SLC38A7: variants seen among roughly 807,000 people sequenced by gnomAD.
SLC38A7 encodes sodium-coupled neutral amino acid transporter 7.
Under a neutral mutation model 50.1 loss-of-function variants are expected in SLC38A7, and 29 were observed. That is an observed-to-expected ratio of 0.58 (90% confidence interval 0.43 to 0.79). The LOEUF (loss-of-function observed/expected upper bound fraction) is 0.79, where lower values mean the gene tolerates loss of function less well. Ranked by LOEUF, SLC38A7 falls within the 30% of genes least tolerant of loss-of-function variation. The pLI is 0.00. For missense variants in SLC38A7, 483 were observed against 610.6 expected (o/e 0.79, Z 2.20); for synonymous variants, 244 against 245.9 (o/e 0.99, Z 0.07).
chr16:58,674,584 T>C (rs2044227347), intron 8 of SLC38A7, among the ~76,000 whole-genome samples: 1 of 152,118 alleles, frequency 6.6e-6, no homozygotes, highest in African/African-American at 2.4e-5. Context: ...CTCATCGCTT[T>C]CTAATTTTTT....
chr16:58,672,063 A>C, intron 9 of SLC38A7, 33 bp downstream of exon 9: 2 of 1,537,922 alleles, frequency 1.3e-6, no homozygotes, highest in Non-Finnish European at 1.8e-6. Context: ...CACAGGGGCT[A>C]GGAGGGGCCC....
chr16:58,682,159 A>C (rs2044403733), intron 2 of SLC38A7, among the ~76,000 whole-genome samples: 1 of 152,108 alleles, frequency 6.6e-6, no homozygotes, highest in Non-Finnish European at 1.5e-5. Context: ...TCTATCTCAA[A>C]ACAAACAAAC....
intron 3 of SLC38A7, chr16:58,679,631 T>C (rs967107857): frequency 5.2e-6 from 3 of 573,578 alleles, no homozygotes; most frequent in African/African-American, 3.7e-5. Context: ...CCTAAAAAAT[T>C]AGAGATGTAA....
At chr16:58,668,859 G>A (rs1348317560) in intron 11 of SLC38A7, among the ~76,000 whole-genome samples, 7 of 150,180 alleles carry the variant, frequency 4.7e-5, no homozygotes, top group African/African-American at 1.7e-4. Flanking sequence ...TGCAACCTCC[G>A]CCTCCGGGGT....
Position 58,679,887 on chromosome 16 carries a change from C to A in SLC38A7, c.240G>T (p.Gly80=). The A allele has an allele frequency of 6.2e-7, 1 of 1,613,870 alleles. No individual in the cohort carries two copies. The change falls in exon 3 of 12, where the codon GGG becomes GGT. Residue 80 remains glycine, a synonymous_variant. Coordinates refer to ENST00000219320, the MANE Select transcript of SLC38A7 (RefSeq NM_018231.3). ...LNFPAAFSTA[G]GVAAGIALQM... ...GCAGTGCGATGCCTGCTGCCACGCC[C>A]CCCGCAGTGCTGAAGGCTGCTGGGA... is the stretch of plus-strand genomic sequence containing the variant.
In SLC38A7 at chr16:58,679,970, T is replaced by G. The variant is rs1433873405; in HGVS notation, c.157A>C (p.Thr53Pro). ...PGGLDRGTTSTLGAIFIVVNA... is the reference protein window; with the variant it reads ...PGGLDRGTTSPLGAIFIVVNA... ...ACGACGATGAAGATGGCCCCAAGTG[T>G]GGAAGTGGTGCCTCTGTCCAGACCC... is the stretch of plus-strand genomic sequence containing the variant. The change falls in exon 3 of 12, where the codon ACA (threonine) becomes CCA (proline). Residue 53 changes from threonine to proline, a missense_variant. Thr to Pro is a conservative substitution (Grantham distance 38). Coordinates refer to ENST00000219320, the MANE Select transcript of SLC38A7 (RefSeq NM_018231.3). 3 of 1,612,304 alleles carry G rather than the reference T, an allele frequency of 1.9e-6. No homozygotes were observed. The highest frequency in any genetic ancestry group is 1.7e-5 in the Admixed American group (1 of 59,838).
intron 3 of SLC38A7, 200 bp downstream of exon 3, chr16:58,679,657 C>T: frequency 1.6e-6 from 1 of 611,392 alleles, no homozygotes; most frequent in Non-Finnish European, 2.7e-6. Flanking sequence ...GTTCAAATTT[C>T]TCTGATTGTT....
At chr16:58,679,599 A>G in intron 3 of SLC38A7, 1 of 548,824 alleles carries the variant, frequency 1.8e-6, no homozygotes, top group South Asian at 2.6e-5. Context: ...CTTTTTAAAC[A>G]TACCACAAAA....
In SLC38A7 at chr16:58,669,929, C is replaced by T. The variant is rs555461113; in HGVS notation, c.1286+184G>A. On this transcript the variant is annotated intron_variant, in intron 11 of 11. Coordinates refer to ENST00000219320, the MANE Select transcript of SLC38A7 (RefSeq NM_018231.3). ...GGCGGAGCTTGCAGTGAGCTGAGAT[C>T]GTGCCACTGCACTCCAGGCTGGGCG... is the stretch of plus-strand genomic sequence containing the variant. 9.9e-5 allele frequency among the ~76,000 whole-genome samples: 15 copies of T among 151,274 alleles called. No homozygotes were observed. In the South Asian group the frequency reaches 2.3e-3, roughly 23 times the overall value.
At chr16:58,680,780 C>T (rs1268051583) in intron 2 of SLC38A7, among the ~76,000 whole-genome samples, 3 of 152,180 alleles carry the variant, frequency 2.0e-5, no homozygotes, top group Non-Finnish European at 2.9e-5. Context: ...CTGTGGCTTT[C>T]GAGGCCCTTC....
intron 2 of SLC38A7, among the ~76,000 whole-genome samples, chr16:58,683,405 C>T (rs2152086519): frequency 6.6e-6 from 1 of 152,310 alleles, no homozygotes; most frequent in South Asian, 2.1e-4. Flanking sequence ...TTCATGTGCT[C>T]TCAGCCATCT....
At position 58,684,735 on chromosome 16, in the gene SLC38A7, G is replaced by C. The variant is rs536677232; in HGVS notation, c.-358C>G. 3 of 152,376 alleles carry C rather than the reference G, an allele frequency of 2.0e-5. No homozygotes were observed. In the South Asian group the frequency reaches 6.2e-4, roughly 32 times the overall value. The allele number at this position is 152,376 out of a possible 1,614,324, so 9.4% of individuals were successfully genotyped here. A position where few individuals can be genotyped will look rare whatever the true frequency, so the allele number is the denominator to read the frequency against. ...CACCTACCTTGGGGGATTCTTTCCCGAGCCGGCTGCGGAGACACGTGAGCA... is the reference window on the plus strand; with the variant it reads ...CACCTACCTTGGGGGATTCTTTCCCCAGCCGGCTGCGGAGACACGTGAGCA... On this transcript the variant is annotated 5_prime_UTR_variant, in exon 1 of 12. Coordinates refer to ENST00000219320, the MANE Select transcript of SLC38A7 (RefSeq NM_018231.3).
intron 9 of SLC38A7, 190 bp downstream of exon 9, chr16:58,671,906 G>T: frequency 1.8e-6 from 1 of 549,470 alleles, no homozygotes; most frequent in Non-Finnish European, 3.0e-6. Flanking sequence ...GGAATGTTCT[G>T]GTGACCCCAG....
At chr16:58,672,029 C>T (rs1453043391) in intron 9 of SLC38A7, 67 bp downstream of exon 9, 28 of 1,183,084 alleles carry the variant, frequency 2.4e-5, no homozygotes, top group Non-Finnish European at 3.1e-5. Flanking sequence ...CCACACAAGG[C>T]CAAAGGACCA....
At position 58,667,371 on chromosome 16, in the gene SLC38A7, C is replaced by T. The variant is rs747105214; in HGVS notation, c.*14G>A. 12 of 1,613,618 alleles carry T rather than the reference C, an allele frequency of 7.4e-6. No individual in the cohort carries two copies. In the African/African-American group the frequency reaches 1.6e-4, roughly 22 times the overall value. On this transcript the variant is annotated 3_prime_UTR_variant, in exon 12 of 12. Coordinates refer to ENST00000219320, the MANE Select transcript of SLC38A7 (RefSeq NM_018231.3). Reference sequence around the variant, plus strand: ...ACCAATGGCAAAGGCCTTGTGTTCCCTGGGAGGCAGTGGTTATGCCAAGAG... The same window carrying T: ...ACCAATGGCAAAGGCCTTGTGTTCCTTGGGAGGCAGTGGTTATGCCAAGAG...
At chr16:58,675,663 C>T (rs2044249780) in intron 8 of SLC38A7, among the ~76,000 whole-genome samples, 1 of 152,200 alleles carries the variant, frequency 6.6e-6, no homozygotes, top group Admixed American at 6.5e-5. Context: ...TCCATGAGGG[C>T]AAGACCAGTT....
chr16:58,671,462 G>A, intron 9 of SLC38A7: 1 of 593,750 alleles, frequency 1.7e-6, no homozygotes, highest in East Asian at 2.8e-5. Flanking sequence ...TACATCACAT[G>A]GAAACTGATA....
rs756718573 is a variant in SLC38A7, at chr16:58,678,368, G to A, written c.576C>T (p.Ser192=). The A allele has an allele frequency of 6.3e-7, 1 of 1,594,748 alleles. No homozygotes were observed. The highest frequency in any genetic ancestry group is 8.5e-7 in the Non-Finnish European group (1 of 1,170,314). The change falls in exon 5 of 12, where the codon TCC becomes TCT. Residue 192 remains serine (S), a synonymous_variant. Transcript: ENST00000219320. This position sits in a 1 kb window ranked among gnomAD's most constrained non-coding sequence, Gnocchi z 4.0. ...TCTGGAAACCAATCTCCCTGGGGAT[G>A]GAGAGGGGCAGGATGAAGAGGAAGG... ...LTAFLFILPL[S]IPREIGFQKY... is the part of the protein sequence containing the mutation.
Position 58,675,850 on chromosome 16 carries a change from G to C in SLC38A7, c.883+90C>G, listed in dbSNP as rs550521686. ...CAAGTCATGCTGGGAATGCAGGGCT[G>C]TCCCCAGGAAAGCTAGGCCCCAGGA... On this transcript the variant is annotated intron_variant, in intron 8 of 11. Transcript: ENST00000219320. 9.6e-4 allele frequency: 956 copies of C among 994,490 alleles called. 2 individuals carry two copies. The highest frequency in any genetic ancestry group is 1.2e-3 in the Non-Finnish European group (777 of 664,292). The allele number at this position is 994,490 out of a possible 1,614,324, so 61.6% of individuals were successfully genotyped here.
Sources: allele counts gnomAD v4.1 joint callset (sites outside exome capture counted in the v4.1 genomes callset), GRCh38; gene constraint gnomAD v4.1.1; non-coding constraint Gnocchi (gnomAD v3.1); transcripts MANE v1.5; gene names NCBI Gene and HGNC (gene_info 2026-07-23, HGNC 2026-07-21).